Variants in LMNTD2 observed in about 807,000 individuals in gnomAD.
LMNTD2 encodes lamin tail domain-containing protein 2.
Under a neutral mutation model 70.1 loss-of-function variants are expected in LMNTD2, and 83 were observed. That is an observed-to-expected ratio of 1.18 (90% CI 0.99 to 1.42). LMNTD2 has a LOEUF of 1.42. Ranked by LOEUF, LMNTD2 falls within the 40% of genes most tolerant of loss-of-function variation. LMNTD2 has a pLI of 0.00. For missense variants in LMNTD2, 1,153 were observed against 905.9 expected, an observed-to-expected ratio of 1.27 and a Z score of -3.50; for synonymous variants, 534 against 406.1, an observed-to-expected ratio of 1.31 and a Z score of -3.79.
chr11:558,233 C>T lies in LMNTD2; in HGVS notation c.327G>A (p.Gln109=). The change falls in exon 4 of 14, where the codon CAG becomes CAA. Residue 109 remains glutamine, a synonymous_variant. Coordinates refer to ENST00000329451, the MANE Select transcript of LMNTD2 (RefSeq NM_173573.3). ...GLPPKRSSHS[Q]EKLLQNQVQK... is the part of the protein sequence containing the mutation. The stretch of plus-strand genomic sequence containing the variant: ...GGACCTGGTTCTGCAGGAGTTTCTC[C>T]TGACTGTGGGAGCTCCTGGAGGAGG... 1 of 1,613,544 alleles carries T rather than the reference C, an allele frequency of 6.2e-7. No homozygotes were observed. Among genetic ancestry groups the T allele is most frequent in the Non-Finnish European group, 8.5e-7 (1 of 1,179,866 alleles).
rs1401087292 is a variant in LMNTD2 at position 556,304 on chromosome 11, T to G, written c.1145A>C (p.Glu382Ala). 9 of 1,535,524 alleles carry G rather than the reference T, an allele frequency of 5.9e-6. No homozygotes were observed. The Admixed American group carries it at 1.8e-4, about 30-fold the overall frequency. Residue 382 changes from glutamate to alanine, a missense_variant, in exon 10 of 14, where the codon GAG (glutamate) becomes GCG (alanine). Transcript: ENST00000329451. The part of the protein sequence containing the change: ...KFVRIFNPSQ[E>A]STADLSGMVL... ...CATGCCGCTCAGGTCGGCCGTGCTCTCCTGCGACGGGTTGAAGATGCGGAC... is the reference window on the plus strand; with the variant it reads ...CATGCCGCTCAGGTCGGCCGTGCTCGCCTGCGACGGGTTGAAGATGCGGAC...
At chr11:556,674 C>T (rs1852899790) in intron 8 of LMNTD2, 86 bp from the exon 9 acceptor site, 4 of 1,411,764 alleles carry the variant, frequency 2.8e-6, no homozygotes, top group Admixed American at 5.5e-5. Flanking sequence ...AGGCCTGCAA[C>T]GCCTGGCGGG....
At chr11:556,667 C>T in intron 8 of LMNTD2, 79 bp from the exon 9 acceptor site, 1 of 1,413,146 alleles carries the variant, frequency 7.1e-7, no homozygotes, top group East Asian at 2.5e-5. Context: ...TCAGAACAGG[C>T]CTGCAACGCC....
In LMNTD2 at chr11:560,384, G is replaced by A. The variant is rs1435094035; in HGVS notation, c.34+299C>T. 4 of 1,206,870 alleles carry A rather than the reference G, an allele frequency of 3.3e-6. No individual in the cohort carries two copies. In the African/African-American group the frequency reaches 4.7e-5, roughly 14 times the overall value. The allele number at this position is 1,206,870 out of a possible 1,614,324, so 74.8% of individuals were successfully genotyped here. A position where few individuals can be genotyped will look rare whatever the true frequency, so the allele number is the denominator to read the frequency against. On this transcript the variant is annotated intron_variant, in intron 1 of 13. Coordinates refer to ENST00000329451, the MANE Select transcript of LMNTD2 (RefSeq NM_173573.3). ...CGGAGAAGAGCCTCAGCTAGAGTCC[G>A]GGCCTTCTGAGCGGGCACCTCCCGC... is the stretch of plus-strand genomic sequence containing the variant.
intron 1 of LMNTD2, chr11:559,315 C>A (rs1255343857): frequency 1.0e-5 from 14 of 1,398,736 alleles, no homozygotes; most frequent in Non-Finnish European, 1.3e-5. Flanking sequence ...TCTCTTGTCC[C>A]CCCAGCTCAG....
In LMNTD2 at chr11:556,058, C is replaced by T. The variant is rs774991736; in HGVS notation, c.1315G>A (p.Glu439Lys). ...KKPLRASSSR[E>K]PVPLLSIRGC... is the part of the protein sequence containing the mutation. ...CGGATGGAGAGGAGGGGAACGGGCT[C>T]CCGGCTCGAGGACGCGCGCAGCGGC... The change falls in exon 11 of 14, where the codon GAG becomes AAG. Residue 439 changes from glutamate to lysine, a missense_variant. Transcript: ENST00000329451. 4.3e-5 allele frequency: 66 copies of T among 1,549,914 alleles called. No homozygotes were observed. Among genetic ancestry groups the T allele is most frequent in the Non-Finnish European group, 5.6e-5 (65 of 1,158,826 alleles).
chr11:556,665 G>A (rs1852898915), intron 8 of LMNTD2, 77 bp from the exon 9 acceptor site: 2 of 1,414,616 alleles, frequency 1.4e-6, no homozygotes, highest in Non-Finnish European at 1.9e-6. Context: ...GGTCAGAACA[G>A]GCCTGCAACG....
rs539875591 is a variant in LMNTD2 at position 556,848 on chromosome 11, G to A, written c.963C>T (p.Ser321=). 4.4e-5 allele frequency: 70 copies of A among 1,580,038 alleles called. No individual in the cohort carries two copies. The Admixed American group carries it at 1.1e-3, about 24-fold the overall frequency. Reference sequence around the variant, plus strand: ...GCCCCACTGCACCTTCTGAGTCCCTGCTGTAGCTGCCGGCCTGCACCAGCG... The same window carrying A: ...GCCCCACTGCACCTTCTGAGTCCCTACTGTAGCTGCCGGCCTGCACCAGCG... ...EQALVQAGSY[S]RDSEDLQKTH... The change falls in exon 8 of 14, where the codon AGC becomes AGT. Residue 321 remains serine (S), a synonymous_variant. Coordinates refer to ENST00000329451, the MANE Select transcript of LMNTD2 (RefSeq NM_173573.3).
chr11:555,128 C>A lies in LMNTD2; in HGVS notation c.1774-17G>T. 9.0e-7 allele frequency: 1 copy of A among 1,116,234 alleles called. No individual in the cohort carries two copies. The highest frequency in any genetic ancestry group is 4.8e-5 in the East Asian group (1 of 20,994). 69.1% of individuals were successfully genotyped at this position (1,116,234 alleles called of 1,614,324 possible). ...CCGGCACACCTGGGGGGCGCGGGGG[C>A]TGAGAGGCGCGCGGGGCGGGGCGGG... On this transcript the variant is annotated splice_polypyrimidine_tract_variant and intron_variant, in intron 13 of 13. Coordinates refer to ENST00000329451, the MANE Select transcript of LMNTD2 (RefSeq NM_173573.3).
In LMNTD2 at chr11:558,211, C is replaced by T; in HGVS notation, c.349G>A (p.Val117Ile). The T allele has an allele frequency of 6.2e-7, 1 of 1,613,606 alleles. No homozygotes were observed. The highest frequency in any genetic ancestry group is 8.5e-7 in the Non-Finnish European group (1 of 1,179,868). Residue 117 changes from valine to isoleucine, a missense_variant, in exon 4 of 14, where the codon GTC becomes ATC. Val to Ile is a conservative substitution (Grantham distance 29). Coordinates refer to ENST00000329451, the MANE Select transcript of LMNTD2 (RefSeq NM_173573.3). Reference sequence around the variant, plus strand: ...TTCAACTCCTGGATCAGCTTCTGGACCTGGTTCTGCAGGAGTTTCTCCTGA... The same window carrying T: ...TTCAACTCCTGGATCAGCTTCTGGATCTGGTTCTGCAGGAGTTTCTCCTGA... ...HSQEKLLQNQ[V>I]QKLIQELKEQ...
chr11:555,157 G>GGGAGGGGAGGGGCGCGGCGA, intron 13 of LMNTD2, 46 bp from the exon 14 acceptor site: 2 of 487,252 alleles, frequency 4.1e-6, no homozygotes, highest in South Asian at 5.8e-5. Context: ...GGGCGGGGAC[G>GGGAGGGGAGGGGCGCGGCGA]GGAGGGGAGG....
At chr11:557,251 A>G (rs1013407773) in intron 7 of LMNTD2, 148 bp downstream of exon 7, 5 of 1,362,144 alleles carry the variant, frequency 3.7e-6, no homozygotes, top group African/African-American at 2.9e-5. Context: ...CTCAACCCCA[A>G]CGCATTCTAC....
At chr11:557,858 C>G in intron 5 of LMNTD2, 26 bp downstream of exon 5, 1 of 1,543,656 alleles carries the variant, frequency 6.5e-7, no homozygotes, top group Non-Finnish European at 8.7e-7. Context: ...CAGCCTGGGG[C>G]AGGAGGGCTT....
chr11:556,637 A>T (rs1320205785), intron 8 of LMNTD2, 49 bp from the exon 9 acceptor site: 2 of 1,442,642 alleles, frequency 1.4e-6, no homozygotes, highest in South Asian at 2.8e-5. Flanking sequence ...TGGAGTCCCC[A>T]CCGGATGTTC....
Position 558,575 on chromosome 11 carries a change from AG to A in LMNTD2, c.311+38del, listed in dbSNP as rs772339406. Reference sequence around the variant, plus strand: ...AGAAACCAGGAGTCCGGGCGAGGACAGGGCGGGGTTGGGTTGGGCTGGGGAC... The same window carrying A: ...AGAAACCAGGAGTCCGGGCGAGGACAGGCGGGGTTGGGTTGGGCTGGGGAC... On this transcript the variant is annotated intron_variant, in intron 3 of 13. Coordinates refer to ENST00000329451, the MANE Select transcript of LMNTD2 (RefSeq NM_173573.3). The A allele has an allele frequency of 5.6e-6, 8 of 1,433,768 alleles. No individual in the cohort carries two copies. The African/African-American group carries it at 1.2e-4, about 22-fold the overall frequency. 88.8% of individuals were successfully genotyped at this position (1,433,768 alleles called of 1,614,324 possible). A position where few individuals can be genotyped will look rare whatever the true frequency, so the allele number is the denominator to read the frequency against.
intron 5 of LMNTD2, 48 bp from the exon 6 acceptor site, chr11:557,688 T>C (rs756077393): frequency 8.7e-6 from 14 of 1,612,236 alleles, no homozygotes; most frequent in Non-Finnish European, 1.2e-5. Context: ...GGTGCTCCCC[T>C]ACAGCACCTC....
intron 6 of LMNTD2, 32 bp from the exon 7 acceptor site, chr11:557,519 C>T (rs1401711799): frequency 1.2e-5 from 19 of 1,613,296 alleles, no homozygotes; most frequent in Non-Finnish European, 1.6e-5. Flanking sequence ...CATGGTCCTC[C>T]CCTCCCGCAG....
chr11:556,878 C>T lies in LMNTD2; in HGVS notation c.933G>A (p.Glu311=). The change falls in exon 8 of 14, where the codon GAG becomes GAA. Residue 311 remains glutamate (E), a synonymous_variant. Transcript: ENST00000329451. ...HPPRDHRASS[E]QALVQAGSYS... is the part of the protein sequence containing the mutation. ...AGCTGCCGGCCTGCACCAGCGCTTGCTCGGAGGAAGCGCGGTGGTCCCGGG... is the reference window on the plus strand; with the variant it reads ...AGCTGCCGGCCTGCACCAGCGCTTGTTCGGAGGAAGCGCGGTGGTCCCGGG... 1.3e-6 allele frequency: 2 copies of T among 1,593,702 alleles called. No individual in the cohort carries two copies. Among genetic ancestry groups the T allele is most frequent in the South Asian group, 2.3e-5 (2 of 88,626 alleles).
At position 555,999 on chromosome 11, in the gene LMNTD2, G is replaced by C. The variant is rs200729988; in HGVS notation, c.1374C>G (p.Gly458=). 6.4e-7 allele frequency: 1 copy of C among 1,558,606 alleles called. No homozygotes were observed. The highest frequency in any genetic ancestry group is 1.1e-5 in the South Asian group (1 of 86,974). Residue 458 remains glycine, a synonymous_variant, in exon 11 of 14, where the codon GGC becomes GGG. Transcript: ENST00000329451. Reference sequence around the variant, plus strand: ...CCCACCGGGGACCCGCACCGACCTCGCCCTTGGGGCTCAGGAGCAGCGTCG... The same window carrying C: ...CCCACCGGGGACCCGCACCGACCTCCCCCTTGGGGCTCAGGAGCAGCGTCG... ...GCATLLLSPK[G]EVLSEHRIPR...
Sources: gnomAD v4.1 joint callset for allele counts on GRCh38, gnomAD v4.1.1 for gene constraint, MANE v1.5 for transcripts, NCBI Gene and HGNC (gene_info 2026-07-23, HGNC 2026-07-21) for gene names.